Variants in CNTNAP5 observed in about 807,000 individuals in gnomAD.
The protein encoded by CNTNAP5 is contactin-associated protein-like 5.
CNTNAP5 carries 72 observed loss-of-function variants against 150.2 expected under a neutral mutation model. That is an observed-to-expected ratio of 0.48 (90% CI 0.40 to 0.58). The LOEUF (loss-of-function observed/expected upper bound fraction) is 0.58, where lower values mean the gene tolerates loss of function less well. Ranked by LOEUF, CNTNAP5 falls within the 20% of genes least tolerant of loss-of-function variation. The pLI, the probability that CNTNAP5 is intolerant of heterozygous loss-of-function variation, is 0.00. For missense variants in CNTNAP5, 1,636 were observed against 1,626.2 expected, an observed-to-expected ratio of 1.01 and a Z score of -0.10; for synonymous variants, 672 against 619.8, an observed-to-expected ratio of 1.08 and a Z score of -1.25.
intron 2 of CNTNAP5, among the ~76,000 whole-genome samples, chr2:124,239,424 TA>T (rs1256495853): frequency 6.6e-6 from 1 of 152,152 alleles, no homozygotes; most frequent in Non-Finnish European, 1.5e-5. Context: ...ATTTTCATTT[TA>T]AAAATAATGA....
At chr2:124,845,630 G>A (rs1573656449) in intron 19 of CNTNAP5, among the ~76,000 whole-genome samples, 1 of 151,642 alleles carries the variant, frequency 6.6e-6, no homozygotes, top group Non-Finnish European at 1.5e-5. Flanking sequence ...TTTTATTTTG[G>A]TGGCTATCTT....
intron 13 of CNTNAP5, among the ~76,000 whole-genome samples, chr2:124,655,999 A>AAAGAAAGAAAGAAAGAAGG (rs1317556643): frequency 2.7e-3 from 240 of 90,324 alleles, no homozygotes; most frequent in Middle Eastern, 5.7e-3. Flanking sequence ...AAGAAAGAAA[A>AAAGAAAGAAAGAAAGAAGG]AAGGAAGGAA....
At chr2:124,608,945 G>GAA (rs112250706) in intron 11 of CNTNAP5, among the ~76,000 whole-genome samples, 3 of 121,458 alleles carry the variant, frequency 2.5e-5, no homozygotes, top group Non-Finnish European at 5.4e-5. Context: ...TCTACCTCAA[G>GAA]AAAAAAAAAA....
intron 13 of CNTNAP5, among the ~76,000 whole-genome samples, chr2:124,722,011 A>G (rs756037922): frequency 1.3e-5 from 2 of 151,982 alleles, no homozygotes; most frequent in Admixed American, 1.3e-4. Flanking sequence ...ATGAGGCCTT[A>G]TAAGGACACC....
At chr2:124,761,078 G>A (rs1336608292) in intron 14 of CNTNAP5, among the ~76,000 whole-genome samples, 1 of 152,058 alleles carries the variant, frequency 6.6e-6, no homozygotes, top group Non-Finnish European at 1.5e-5. Context: ...TTGTTCCAAA[G>A]GAAGTGAAAG....
rs1466406212 is a variant in CNTNAP5, at chr2:124,216,170, A to G, written c.83-5535A>G. On this transcript the variant is annotated intron_variant, in intron 1 of 23. Transcript: ENST00000682447. The stretch of plus-strand genomic sequence containing the variant: ...AACAGCTACTGGATGGAAAGAGCTA[A>G]GGTGCTTTTGGTTATACCCACAGAA... Among the ~76,000 whole-genome samples the G allele has an allele frequency of 2.0e-5, 3 of 152,246 alleles. No homozygotes were observed. In the East Asian group the frequency reaches 5.8e-4, roughly 29 times the overall value.
chr2:124,167,142 T>A (rs1276707424), intron 1 of CNTNAP5, among the ~76,000 whole-genome samples: 1 of 152,206 alleles, frequency 6.6e-6, no homozygotes, highest in Non-Finnish European at 1.5e-5. Flanking sequence ...AAAAGACTAA[T>A]AATCCATACT....
intron 22 of CNTNAP5, among the ~76,000 whole-genome samples, chr2:124,906,891 C>T (rs1678548712): frequency 1.3e-5 from 2 of 152,116 alleles, no homozygotes; most frequent in South Asian, 4.1e-4. Flanking sequence ...ATTCATCACA[C>T]ATCTTTTAAG....
chr2:124,833,170 A>G (rs115582056), intron 19 of CNTNAP5, among the ~76,000 whole-genome samples: 1,914 of 152,222 alleles, frequency 0.013, 44 homozygotes, highest in African/African-American at 0.043. Flanking sequence ...TTGGCCTCCC[A>G]AAGTGTTGAG....
At chr2:124,877,145 G>A (rs931136149) in intron 21 of CNTNAP5, among the ~76,000 whole-genome samples, 1 of 152,012 alleles carries the variant, frequency 6.6e-6, no homozygotes, top group Admixed American at 6.6e-5. Flanking sequence ...GATTTAAGAT[G>A]CAATTTTATT....
At chr2:124,376,038 T>C (rs949247456) in intron 3 of CNTNAP5, among the ~76,000 whole-genome samples, 2 of 152,032 alleles carry the variant, frequency 1.3e-5, no homozygotes, top group African/African-American at 4.8e-5. Flanking sequence ...ATATTTTTCA[T>C]AAGAACTGAA....
At chr2:124,747,589 G>A (rs975177979) in intron 14 of CNTNAP5, among the ~76,000 whole-genome samples, 2 of 149,518 alleles carry the variant, frequency 1.3e-5, no homozygotes, top group African/African-American at 4.9e-5. Context: ...TAAGCATGTG[G>A]TCATACCATC....
At chr2:124,844,690 T>C (rs1405006449) in intron 19 of CNTNAP5, among the ~76,000 whole-genome samples, 1 of 152,120 alleles carries the variant, frequency 6.6e-6, no homozygotes, top group Admixed American at 6.6e-5. Flanking sequence ...CAGTGTTTTG[T>C]AGTTTTCCTT....
At chr2:124,585,304 G>C (rs1696503126) in intron 11 of CNTNAP5, among the ~76,000 whole-genome samples, 1 of 152,130 alleles carries the variant, frequency 6.6e-6, no homozygotes, top group African/African-American at 2.4e-5. Flanking sequence ...CTGAAAGTGG[G>C]GCACGTGTCT....
intron 13 of CNTNAP5, among the ~76,000 whole-genome samples, chr2:124,734,240 T>A (rs1300742974): frequency 2.6e-5 from 4 of 151,840 alleles, no homozygotes; most frequent in Admixed American, 6.6e-5. Context: ...CCCCGCTACA[T>A]GGAGACACAA....
At chr2:124,340,963 C>A (rs1377268433) in intron 3 of CNTNAP5, among the ~76,000 whole-genome samples, 2 of 150,608 alleles carry the variant, frequency 1.3e-5, no homozygotes, top group South Asian at 2.1e-4. Flanking sequence ...GTAGTCCCAC[C>A]TACTCAGGAG....
intron 5 of CNTNAP5, among the ~76,000 whole-genome samples, chr2:124,443,061 GTTCT>G (rs552607337): frequency 1.0e-3 from 159 of 152,070 alleles, no homozygotes; most frequent in African/African-American, 3.8e-3. Flanking sequence ...TTGTCCTCCA[GTTCT>G]TTATCTAAGA....
At chr2:124,451,120 C>A (rs1402632510) in intron 6 of CNTNAP5, among the ~76,000 whole-genome samples, 1 of 134,292 alleles carries the variant, frequency 7.4e-6, no homozygotes, top group African/African-American at 2.8e-5. Context: ...TGTACACACA[C>A]AAATATATAA....
chr2:124,688,641 C>T (rs191118325), intron 13 of CNTNAP5, among the ~76,000 whole-genome samples: 11 of 152,092 alleles, frequency 7.2e-5, no homozygotes, highest in South Asian at 2.1e-4. Context: ...TGAGTTCACT[C>T]GGGGACATGC....
Sources: gnomAD v4.1 joint callset for allele counts (sites outside exome capture counted in the v4.1 genomes callset) on GRCh38, gnomAD v4.1.1 for gene constraint, MANE v1.5 for transcripts, NCBI Gene and HGNC (gene_info 2026-07-23, HGNC 2026-07-21) for gene names.